KCNH7: variants seen among roughly 807,000 people sequenced by gnomAD.
KCNH7 encodes the protein potassium voltage-gated channel subfamily H member 7.
Under a neutral mutation model 120.8 loss-of-function variants are expected in KCNH7, and 49 were observed. The observed-to-expected ratio is 0.41, with a 90% CI of 0.32 to 0.51. KCNH7 has a LOEUF of 0.51. KCNH7 is among the 20% of genes least tolerant of loss of function. The pLI is 0.38. For missense variants in KCNH7, 1,097 were observed against 1,446.6 expected (o/e 0.76, Z 3.92); for synonymous variants, 547 against 516.1 (o/e 1.06, Z -0.81).
At position 162,628,770 on chromosome 2, in the gene KCNH7, G is replaced by T. The variant is rs576883774; in HGVS notation, c.308-91690C>A. Among the ~76,000 whole-genome samples the T allele has an allele frequency of 3.1e-3, 468 of 152,112 alleles. 2 individuals carry two copies. Among genetic ancestry groups the T allele is most frequent in the African/African-American group, 0.011 (446 of 41,514 alleles). On this transcript the variant is annotated intron_variant, in intron 2 of 15. Coordinates refer to ENST00000332142, the MANE Select transcript of KCNH7 (RefSeq NM_033272.4). ...CCAGCTTCACCTATGTCCCTGCAAA[G>T]TACAAGATCTTGTTTATATTTTTAA...
chr2:162,392,764 T>TA (rs1686782161), intron 12 of KCNH7, among the ~76,000 whole-genome samples: 1 of 151,714 alleles, frequency 6.6e-6, no homozygotes, highest in Non-Finnish European at 1.5e-5. Flanking sequence ...TGGGAGTAGT[T>TA]AAGGGAAGGA....
chr2:162,564,417 T>G (rs1452052248), intron 2 of KCNH7, among the ~76,000 whole-genome samples: 1 of 152,184 alleles, frequency 6.6e-6, no homozygotes, highest in African/African-American at 2.4e-5. Context: ...TTCTTCTCAA[T>G]GAATCTTCTT....
chr2:162,550,129 TAG>T lies in KCNH7; in HGVS notation c.308-13051_308-13050del, dbSNP rs1268073831. 7.2e-5 allele frequency among the ~76,000 whole-genome samples: 11 copies of T among 152,310 alleles called. No individual in the cohort carries two copies. In the East Asian group the frequency reaches 1.2e-3, roughly 16 times the overall value. On this transcript the variant is annotated intron_variant, in intron 2 of 15. Coordinates refer to ENST00000332142, the MANE Select transcript of KCNH7 (RefSeq NM_033272.4). ...GCGGTGTGGAATGCTTGGCAAAATATAGAGACATCGAATGGTATTTATTTTGG... is the reference window on the plus strand; with the variant it reads ...GCGGTGTGGAATGCTTGGCAAAATATAGACATCGAATGGTATTTATTTTGG...
At chr2:162,512,701 A>C (rs764050030) in intron 4 of KCNH7, 27 bp from the exon 5 acceptor site, 2 of 1,588,086 alleles carry the variant, frequency 1.3e-6, no homozygotes, top group Admixed American at 3.4e-5. Flanking sequence ...AGGATAAAAA[A>C]AGAGAAATAT....
chr2:162,546,468 G>A (rs1486367146), intron 2 of KCNH7, among the ~76,000 whole-genome samples: 2 of 152,108 alleles, frequency 1.3e-5, no homozygotes, highest in Admixed American at 6.5e-5. Flanking sequence ...ACACTGAACT[G>A]ACTGAGCTTA....
chr2:162,649,036 A>T (rs1016975531), intron 2 of KCNH7, among the ~76,000 whole-genome samples: 1 of 152,216 alleles, frequency 6.6e-6, no homozygotes, highest in African/African-American at 2.4e-5. Context: ...ACAATTAAAC[A>T]TACATCAGTA....
chr2:162,536,896 G>A (rs1322127383), intron 3 of KCNH7, 29 bp downstream of exon 3: 1 of 1,588,718 alleles, frequency 6.3e-7, no homozygotes, highest in South Asian at 1.1e-5. Flanking sequence ...ATTATCAAGA[G>A]CATTGAGTAC....
At chr2:162,570,938 C>A (rs1693450070) in intron 2 of KCNH7, among the ~76,000 whole-genome samples, 1 of 152,118 alleles carries the variant, frequency 6.6e-6, no homozygotes, top group Non-Finnish European at 1.5e-5. Flanking sequence ...CAGCCAATAT[C>A]ATACTGAATG....
chr2:162,750,019 TTAGA>T (rs1688485433), intron 2 of KCNH7, among the ~76,000 whole-genome samples: 1 of 152,174 alleles, frequency 6.6e-6, no homozygotes. Flanking sequence ...CACTGGGGAC[TTAGA>T]TAGCCTAGGA....
chr2:162,556,239 T>C (rs1011363967), intron 2 of KCNH7, among the ~76,000 whole-genome samples: 8 of 152,182 alleles, frequency 5.3e-5, no homozygotes, highest in Non-Finnish European at 1.0e-4. Flanking sequence ...GTTGAATACC[T>C]ACTATATTCC....
chr2:162,629,613 G>A (rs770145321), intron 2 of KCNH7, among the ~76,000 whole-genome samples: 1 of 152,086 alleles, frequency 6.6e-6, no homozygotes, highest in African/African-American at 2.4e-5. Flanking sequence ...GGTTTAATAT[G>A]AATGGTGATG....
intron 2 of KCNH7, among the ~76,000 whole-genome samples, chr2:162,595,502 T>C (rs1471243601): frequency 1.3e-5 from 2 of 152,040 alleles, no homozygotes; most frequent in African/African-American, 4.8e-5. Context: ...AGAAAAAGCA[T>C]TGAACAAAAT....
intron 2 of KCNH7, among the ~76,000 whole-genome samples, chr2:162,543,566 C>T (rs1339859457): frequency 6.6e-6 from 1 of 152,060 alleles, no homozygotes; most frequent in Non-Finnish European, 1.5e-5. Context: ...TTTTCAATTA[C>T]TTCTTATTTA....
rs558491083 is a variant in KCNH7, at chr2:162,638,642, T to TA, written c.308-101563dup. Among the ~76,000 whole-genome samples, 14 of 152,214 alleles carry TA rather than the reference T, an allele frequency of 9.2e-5. No individual in the cohort carries two copies. In the South Asian group the frequency reaches 2.9e-3, roughly 32 times the overall value. On this transcript the variant is annotated intron_variant, in intron 2 of 15. Transcript: ENST00000332142. ...AAATGTATTTGATGACTATCAGCAA[T>TA]ATGTACTAGAAAAATGGAGTTAGTT...
At chr2:162,609,845 C>A (rs1216807649) in intron 2 of KCNH7, among the ~76,000 whole-genome samples, 1 of 152,126 alleles carries the variant, frequency 6.6e-6, no homozygotes, top group Non-Finnish European at 1.5e-5. Flanking sequence ...CAGTGCATAA[C>A]ACTCTGGGGA....
chr2:162,791,616 T>C (rs1257705390), intron 2 of KCNH7, among the ~76,000 whole-genome samples: 1 of 152,170 alleles, frequency 6.6e-6, no homozygotes, highest in Non-Finnish European at 1.5e-5. Flanking sequence ...CTAGTGATTT[T>C]TGCACATTGA....
At chr2:162,508,984 A>G (rs989479435) in intron 5 of KCNH7, among the ~76,000 whole-genome samples, 1 of 151,572 alleles carries the variant, frequency 6.6e-6, no homozygotes, top group African/African-American at 2.4e-5. Flanking sequence ...CATTTGCAAG[A>G]TGGATGACCA....
At chr2:162,687,852 T>C (rs1409541866) in intron 2 of KCNH7, among the ~76,000 whole-genome samples, 1 of 152,178 alleles carries the variant, frequency 6.6e-6, no homozygotes, top group Non-Finnish European at 1.5e-5. Context: ...GTAAAATGGC[T>C]CACAAGCCTT....
At chr2:162,810,950 A>G (rs1684713189) in intron 2 of KCNH7, among the ~76,000 whole-genome samples, 2 of 152,182 alleles carry the variant, frequency 1.3e-5, no homozygotes, top group African/African-American at 2.4e-5. Context: ...AAAAATGAGA[A>G]GTTAGCACAA....
Sources: gnomAD v4.1 joint callset for allele counts (sites outside exome capture counted in the v4.1 genomes callset) on GRCh38, gnomAD v4.1.1 for gene constraint, MANE v1.5 for transcripts, NCBI Gene and HGNC (gene_info 2026-07-23, HGNC 2026-07-21) for gene names.